Variants in ADGRL4 observed in about 807,000 individuals in gnomAD.
ADGRL4 encodes adhesion G protein-coupled receptor L4, also known as EGF, latrophilin and seven transmembrane domain containing 1.
ADGRL4 carries 90 observed loss-of-function variants against 74.8 expected under a neutral mutation model. That is an observed-to-expected ratio of 1.20 (90% CI 1.02 to 1.43). The LOEUF is 1.43. Ranked by LOEUF, ADGRL4 falls within the 40% of genes most tolerant of loss-of-function variation. The probability of loss-of-function intolerance (pLI) is 0.00; values close to 1 mark genes in which losing one functional copy is unlikely to be tolerated. For missense variants in ADGRL4, 881 were observed against 814.3 expected (o/e 1.08, Z -1.00); for synonymous variants, 311 against 279.2 (o/e 1.11, Z -1.14).
At chr1:78,928,417 C>T (rs763566044) in intron 7 of ADGRL4, among the ~76,000 whole-genome samples, 41 of 151,428 alleles carry the variant, frequency 2.7e-4, no homozygotes, top group Middle Eastern at 3.4e-3. Context: ...ATTTTCTTAA[C>T]AAACCTGTAC....
chr1:78,904,365 A>T (rs1648585577), intron 12 of ADGRL4, among the ~76,000 whole-genome samples: 1 of 152,054 alleles, frequency 6.6e-6, no homozygotes. Context: ...TATTTCATTT[A>T]AAAAAATGAA....
chr1:78,921,521 A>C (rs1648998961), intron 9 of ADGRL4, 92 bp downstream of exon 9: 2 of 822,140 alleles, frequency 2.4e-6, no homozygotes, highest in East Asian at 6.5e-5. Context: ...AACCCAAGAA[A>C]AATATATAAA....
At chr1:78,979,664 A>G (rs1337385862) in intron 2 of ADGRL4, among the ~76,000 whole-genome samples, 1 of 151,946 alleles carries the variant, frequency 6.6e-6, no homozygotes, top group African/African-American at 2.4e-5. Context: ...CCCATCAGCC[A>G]ATGAGTGGAT....
chr1:78,935,065 A>G (rs916279971), intron 7 of ADGRL4, among the ~76,000 whole-genome samples: 1 of 152,200 alleles, frequency 6.6e-6, no homozygotes, highest in African/African-American at 2.4e-5. Flanking sequence ...TATGTACCCA[A>G]AGGATTATAA....
intron 2 of ADGRL4, among the ~76,000 whole-genome samples, chr1:78,950,127 T>C (rs980774396): frequency 2.6e-5 from 4 of 152,008 alleles, no homozygotes; most frequent in Non-Finnish European, 5.9e-5. Context: ...ATTTGCAAGA[T>C]AAAAAGGTGA....
chr1:78,970,904 C>T (rs189680350), intron 2 of ADGRL4, among the ~76,000 whole-genome samples: 2 of 152,252 alleles, frequency 1.3e-5, no homozygotes, highest in Admixed American at 1.3e-4. Flanking sequence ...TGCAGAAGGC[C>T]AACATGATGA....
chr1:78,980,024 C>T (rs904906627), intron 2 of ADGRL4, among the ~76,000 whole-genome samples: 1 of 151,834 alleles, frequency 6.6e-6, no homozygotes, highest in African/African-American at 2.4e-5. Flanking sequence ...TCAGTGCCCC[C>T]CAAAACTATT....
chr1:79,001,214 G>GGAGA (rs1650836339), intron 2 of ADGRL4, among the ~76,000 whole-genome samples: 1 of 115,806 alleles, frequency 8.6e-6, no homozygotes, highest in East Asian at 3.0e-4. Flanking sequence ...AGGAAGGGAG[G>GGAGA]AAGGGAGAGA....
rs576227791 is a variant in ADGRL4, at chr1:78,983,125, A to G, written c.172+21945T>C. Among the ~76,000 whole-genome samples the G allele has an allele frequency of 3.9e-5, 6 of 151,920 alleles. 1 individual carries two copies. In the East Asian group the frequency reaches 1.2e-3, roughly 30 times the overall value. On this transcript the variant is annotated intron_variant, in intron 2 of 14. Transcript: ENST00000370742. ...TGGTGAAGAAGGTAGGGTGGCTGAG[A>G]GAACAAACGAATATTCTTCCTGTAT...
chr1:78,948,927 T>C (rs1228450516), intron 2 of ADGRL4, among the ~76,000 whole-genome samples: 6 of 152,064 alleles, frequency 3.9e-5, no homozygotes, highest in Non-Finnish European at 7.4e-5. Context: ...GCTGTCAGAG[T>C]TCACATTCTA....
chr1:78,929,901 A>C (rs1649202902), intron 7 of ADGRL4, among the ~76,000 whole-genome samples: 3 of 151,454 alleles, frequency 2.0e-5, no homozygotes, highest in Non-Finnish European at 4.4e-5. Context: ...TCTTTTTTCC[A>C]ACTTCCAAAC....
chr1:78,918,777 A>G (rs1171163953), intron 10 of ADGRL4, among the ~76,000 whole-genome samples: 1 of 151,942 alleles, frequency 6.6e-6, no homozygotes, highest in East Asian at 1.9e-4. Context: ...AAAACAGAAT[A>G]TAATTCAAGA....
intron 2 of ADGRL4, among the ~76,000 whole-genome samples, chr1:78,962,588 T>C (rs1649977945): frequency 6.6e-6 from 1 of 152,162 alleles, no homozygotes; most frequent in South Asian, 2.1e-4. Context: ...TTGATGATGT[T>C]AGGATAACAT....
intron 3 of ADGRL4, among the ~76,000 whole-genome samples, chr1:78,940,319 T>G (rs1292811284): frequency 1.3e-5 from 2 of 152,112 alleles, no homozygotes; most frequent in Non-Finnish European, 2.9e-5. Flanking sequence ...TTACCACAAC[T>G]TATTACTTTT....
At chr1:78,922,108 C>G (rs779435715) in intron 8 of ADGRL4, among the ~76,000 whole-genome samples, 1 of 151,898 alleles carries the variant, frequency 6.6e-6, no homozygotes, top group Non-Finnish European at 1.5e-5. Flanking sequence ...TATCATTAAT[C>G]CAGGTACTAA....
At chr1:78,972,806 G>A (rs575586228) in intron 2 of ADGRL4, among the ~76,000 whole-genome samples, 2 of 152,224 alleles carry the variant, frequency 1.3e-5, no homozygotes, top group Middle Eastern at 3.4e-3. Flanking sequence ...ATTTGCATAC[G>A]GTTCCCACCA....
intron 2 of ADGRL4, among the ~76,000 whole-genome samples, chr1:78,974,171 A>T (rs1186376773): frequency 6.6e-6 from 1 of 152,230 alleles, no homozygotes; most frequent in African/African-American, 2.4e-5. Context: ...AAAATATTTT[A>T]CTTAATTTCT....
intron 2 of ADGRL4, among the ~76,000 whole-genome samples, chr1:78,985,618 C>A (rs1230450880): frequency 6.6e-6 from 1 of 151,402 alleles, no homozygotes; most frequent in Non-Finnish European, 1.5e-5. Flanking sequence ...AGACAGAAAA[C>A]CAGGGACAAA....
chr1:79,001,323 TTAAAAA>T (rs1230182011), intron 2 of ADGRL4, among the ~76,000 whole-genome samples: 1 of 151,534 alleles, frequency 6.6e-6, no homozygotes, highest in Admixed American at 6.6e-5. Flanking sequence ...ATTTCAATAC[TTAAAAA>T]TAAAAGGACA....
Sources: allele counts gnomAD v4.1 joint callset (sites outside exome capture counted in the v4.1 genomes callset), GRCh38; gene constraint gnomAD v4.1.1; transcripts MANE v1.5; gene names NCBI Gene and HGNC (gene_info 2026-07-23, HGNC 2026-07-21).